SLC8A3: variants seen among roughly 807,000 people sequenced by gnomAD.
SLC8A3 encodes the protein sodium/calcium exchanger 3.
SLC8A3 carries 37 observed loss-of-function variants against 65.4 expected under a neutral mutation model. That is an observed-to-expected ratio of 0.57 (90% CI 0.44 to 0.74). The LOEUF is 0.74. Ranked by LOEUF, SLC8A3 falls within the 30% of genes least tolerant of loss-of-function variation. The pLI, the probability that SLC8A3 is intolerant of heterozygous loss-of-function variation, is 0.00. For missense variants in SLC8A3, 1,112 were observed against 1,172.1 expected, an observed-to-expected ratio of 0.95 and a Z score of 0.75; for synonymous variants, 461 against 444.5, an observed-to-expected ratio of 1.04 and a Z score of -0.47.
chr14:70,062,004 C>T (rs936861192), intron 2 of SLC8A3, among the ~76,000 whole-genome samples: 3 of 152,038 alleles, frequency 2.0e-5, no homozygotes, highest in Admixed American at 2.0e-4. Flanking sequence ...CTGATTCTTC[C>T]TATATGGTTT....
intron 2 of SLC8A3, among the ~76,000 whole-genome samples, chr14:70,165,970 A>G (rs987269963): frequency 2.6e-5 from 4 of 152,264 alleles, no homozygotes; most frequent in Non-Finnish European, 5.9e-5. Context: ...TGCTTCTCCA[A>G]GATACTTTCC....
At position 70,044,376 on chromosome 14, in the gene SLC8A3, T is replaced by A. The variant is rs1323145427; in HGVS notation, c.*1571A>T. 8.7e-6 allele frequency: 1 copy of A among 115,084 alleles called. No homozygotes were observed. The highest frequency in any genetic ancestry group is 1.8e-5 in the Non-Finnish European group (1 of 57,006). The allele number at this position is 115,084 out of a possible 1,614,324, so 7.1% of individuals were successfully genotyped here. Reference sequence around the variant, plus strand: ...AAATTAACAGGTGTTTTTTAATTTCTTCCCCCCCCCCCTTAGAAAATGTAT... The same window carrying A: ...AAATTAACAGGTGTTTTTTAATTTCATCCCCCCCCCCCTTAGAAAATGTAT... On this transcript the variant is annotated 3_prime_UTR_variant, in exon 7 of 7. Transcript: ENST00000356921.
intron 2 of SLC8A3, among the ~76,000 whole-genome samples, chr14:70,127,267 T>C (rs1256527409): frequency 6.6e-6 from 1 of 152,150 alleles, no homozygotes; most frequent in African/African-American, 2.4e-5. Context: ...GACTAGGTGA[T>C]ACCAAGACTG....
intron 2 of SLC8A3, among the ~76,000 whole-genome samples, chr14:70,078,840 G>T (rs1260701987): frequency 6.6e-6 from 1 of 152,166 alleles, no homozygotes; most frequent in East Asian, 1.9e-4. Flanking sequence ...CATTGGGAAT[G>T]GATCTGCAGG....
At chr14:70,119,775 T>C (rs913284651) in intron 2 of SLC8A3, among the ~76,000 whole-genome samples, 2 of 152,234 alleles carry the variant, frequency 1.3e-5, no homozygotes, top group East Asian at 1.9e-4. Flanking sequence ...AATAACCTCA[T>C]AGGATTGTTG....
intron 2 of SLC8A3, among the ~76,000 whole-genome samples, chr14:70,121,417 C>G (rs1437716367): frequency 6.6e-6 from 1 of 152,226 alleles, no homozygotes; most frequent in Non-Finnish European, 1.5e-5. Flanking sequence ...AGACTAGATG[C>G]TCCTGCTACA....
In SLC8A3 at chr14:70,136,575, G is replaced by A. The variant is rs1021442137; in HGVS notation, c.1784+30064C>T. Among the ~76,000 whole-genome samples, 6 of 152,156 alleles carry A rather than the reference G, an allele frequency of 3.9e-5. No homozygotes were observed. The East Asian group carries it at 9.6e-4, about 24-fold the overall frequency. On this transcript the variant is annotated intron_variant, in intron 2 of 6. Transcript: ENST00000356921. ...TACTAGTCCTTCCCCATAAAACACT[G>A]TTCTTCCAGCCCTTCATGTGTTCCA...
At chr14:70,078,853 C>T (rs1890777385) in intron 2 of SLC8A3, among the ~76,000 whole-genome samples, 1 of 152,188 alleles carries the variant, frequency 6.6e-6, no homozygotes. Context: ...TCTGCAGGGT[C>T]TACCAATCAT....
In SLC8A3 at chr14:70,052,241, T is replaced by C. The variant is rs72729825; in HGVS notation, c.1889-127A>G. 8.4e-3 allele frequency: 10,038 copies of C among 1,189,940 alleles called. 73 individuals are homozygous for C. The highest frequency in any genetic ancestry group is 9.1e-3 in the Non-Finnish European group (8,064 of 888,270). 73.7% of individuals were successfully genotyped at this position (1,189,940 alleles called of 1,614,324 possible). On this transcript the variant is annotated intron_variant, in intron 3 of 6. Coordinates refer to ENST00000356921, the MANE Select transcript of SLC8A3 (RefSeq NM_182932.3). ...CTCTTGGGAATGGGGAGTTTATATA[T>C]ATTTTTAGTGCCTTTTTTATGAAGT...
At chr14:70,127,116 T>G (rs1417665473) in intron 2 of SLC8A3, among the ~76,000 whole-genome samples, 1 of 148,310 alleles carries the variant, frequency 6.7e-6, no homozygotes, top group African/African-American at 2.5e-5. Flanking sequence ...CTATAATGGC[T>G]CCCAAATGTA....
intron 2 of SLC8A3, among the ~76,000 whole-genome samples, chr14:70,122,944 C>T (rs547688493): frequency 1.3e-5 from 2 of 151,800 alleles, no homozygotes; most frequent in South Asian, 2.1e-4. Context: ...CGGTGGCGGG[C>T]GCCTGTAGTC....
chr14:70,178,376 C>T (rs962539216), intron 1 of SLC8A3, among the ~76,000 whole-genome samples: 3 of 152,138 alleles, frequency 2.0e-5, no homozygotes, highest in African/African-American at 7.2e-5. Flanking sequence ...TCGGGAGTGA[C>T]ACACAGAAAG....
chr14:70,137,622 C>T (rs1895291275), intron 2 of SLC8A3, among the ~76,000 whole-genome samples: 1 of 152,094 alleles, frequency 6.6e-6, no homozygotes, highest in Admixed American at 6.5e-5. Flanking sequence ...TGGTTCCTGC[C>T]TCTGAGAACA....
chr14:70,154,385 A>G (rs75555419), intron 2 of SLC8A3, among the ~76,000 whole-genome samples: 6 of 152,254 alleles, frequency 3.9e-5, no homozygotes, highest in Admixed American at 6.5e-5. Context: ...TCTTTCCACC[A>G]TTCGGACCGT....
At chr14:70,107,613 C>T (rs773859537) in intron 2 of SLC8A3, among the ~76,000 whole-genome samples, 5 of 152,144 alleles carry the variant, frequency 3.3e-5, no homozygotes, top group Non-Finnish European at 7.3e-5. Context: ...AACACAATCA[C>T]AGCAGCTCAA....
rs991521930 is a variant in SLC8A3 at position 70,109,187 on chromosome 14, C to A, written c.1785-48248G>T. On this transcript the variant is annotated intron_variant, in intron 2 of 6. Coordinates refer to ENST00000356921, the MANE Select transcript of SLC8A3 (RefSeq NM_182932.3). ...ATCACTTAGCACAGTTACTGGCATG[C>A]AGAAGGTTCTTTTTTTTTTTTTTCA... Among the ~76,000 whole-genome samples the A allele has an allele frequency of 3.0e-5, 4 of 134,734 alleles. No homozygotes were observed. The South Asian group carries it at 9.4e-4, about 32-fold the overall frequency. The allele number at this position is 134,734 out of a possible 152,430, so 88.4% of individuals were successfully genotyped here.
At chr14:70,141,053 T>C (rs144040449) in intron 2 of SLC8A3, among the ~76,000 whole-genome samples, 3 of 152,334 alleles carry the variant, frequency 2.0e-5, no homozygotes, top group African/African-American at 7.2e-5. Flanking sequence ...GAGAAGAGGA[T>C]AATGGTCATA....
chr14:70,059,700 C>A (rs1446327566), intron 3 of SLC8A3, among the ~76,000 whole-genome samples: 1 of 152,150 alleles, frequency 6.6e-6, no homozygotes, highest in Non-Finnish European at 1.5e-5. Flanking sequence ...GGGATGAGGG[C>A]TATCTTGGGA....
intron 2 of SLC8A3, among the ~76,000 whole-genome samples, chr14:70,164,900 T>C (rs887857339): frequency 5.9e-5 from 9 of 152,240 alleles, no homozygotes; most frequent in African/African-American, 2.2e-4. Flanking sequence ...TACATATAAA[T>C]GGATAGTATT....
Sources: allele counts gnomAD v4.1 joint callset (sites outside exome capture counted in the v4.1 genomes callset), GRCh38; gene constraint gnomAD v4.1.1; transcripts MANE v1.5; gene names NCBI Gene and HGNC (gene_info 2026-07-23, HGNC 2026-07-21).